ZNF93: variants seen among roughly 807,000 people sequenced by gnomAD.
ZNF93 encodes zinc finger protein 93, also known as zinc finger protein 505.
In ZNF93, 29 loss-of-function variants were observed where a neutral mutation model predicts 45.0. The ratio of observed to expected loss-of-function variants is 0.64; its 90% CI spans 0.48 to 0.88. The LOEUF is 0.88. ZNF93 is among the 40% of genes least tolerant of loss of function. The pLI is 0.00. For synonymous variants in ZNF93, 223 were observed against 244.6 expected, an observed-to-expected ratio of 0.91 and a Z score of 0.82; for missense variants, 578 against 724.0, an observed-to-expected ratio of 0.80 and a Z score of 2.31.
intron 3 of ZNF93, among the ~76,000 whole-genome samples, chr19:19,918,254 T>A (rs2063330839): frequency 1.3e-5 from 2 of 152,314 alleles, no homozygotes; most frequent in Middle Eastern, 3.4e-3. Flanking sequence ...TCCAGCTTCA[T>A]CCATGTCCCT....
At chr19:19,929,653 G>A (rs937343867) in intron 3 of ZNF93, among the ~76,000 whole-genome samples, 31 of 152,132 alleles carry the variant, frequency 2.0e-4, no homozygotes, top group African/African-American at 6.8e-4. Context: ...ATAAGAGATT[G>A]TAGGGCCGGG....
chr19:19,913,648 G>A (rs572790138), intron 1 of ZNF93, among the ~76,000 whole-genome samples: 18 of 152,138 alleles, frequency 1.2e-4, no homozygotes, highest in Middle Eastern at 3.4e-3. Flanking sequence ...CATTGTTCCC[G>A]AATCTCTTCT....
Position 19,935,098 on chromosome 19 carries a change from G to A in ZNF93, c.*280G>A, listed in dbSNP as rs140268249. Reference sequence around the variant, plus strand: ...TTCTGCCTATATAGAAACCCACACAGTTAACCTGAGGAAATGCTCTCTGGT... The same window carrying A: ...TTCTGCCTATATAGAAACCCACACAATTAACCTGAGGAAATGCTCTCTGGT... On this transcript the variant is annotated 3_prime_UTR_variant, in exon 4 of 4. Transcript: ENST00000343769. 5.2e-5 allele frequency: 20 copies of A among 387,102 alleles called. No individual in the cohort carries two copies. Among genetic ancestry groups the A allele is most frequent in the Non-Finnish European group, 8.3e-5 (18 of 217,046 alleles). The allele number at this position is 387,102 out of a possible 1,614,324, so 24.0% of individuals were successfully genotyped here. A position where few individuals can be genotyped will look rare whatever the true frequency, so the allele number is the denominator to read the frequency against.
chr19:19,912,361 C>T (rs899414092), intron 1 of ZNF93, among the ~76,000 whole-genome samples: 7 of 152,108 alleles, frequency 4.6e-5, no homozygotes, highest in African/African-American at 1.7e-4. Context: ...CTGAACCTAC[C>T]CTGGAGTATT....
At chr19:19,922,525 C>T (rs1374687846) in intron 3 of ZNF93, among the ~76,000 whole-genome samples, 8 of 152,190 alleles carry the variant, frequency 5.3e-5, no homozygotes, top group African/African-American at 1.7e-4. Flanking sequence ...TAATATCCTG[C>T]AGAGTGTTTT....
intron 3 of ZNF93, chr19:19,927,247 A>G (rs2122190167): frequency 2.5e-6 from 1 of 398,396 alleles, no homozygotes; most frequent in South Asian, 1.3e-4. Context: ...AAATTTAATA[A>G]TAGCCAGGCA....
At chr19:19,912,047 C>A (rs1177392304) in intron 1 of ZNF93, among the ~76,000 whole-genome samples, 2 of 152,054 alleles carry the variant, frequency 1.3e-5, no homozygotes, top group Non-Finnish European at 2.9e-5. Context: ...CCGCGCTTGG[C>A]CGTATATTTT....
At position 19,933,923 on chromosome 19, in the gene ZNF93, A is replaced by G. The variant is rs1690031806; in HGVS notation, c.968A>G (p.Lys323Arg). The change falls in exon 4 of 4, where the codon AAG becomes AGG. Residue 323 changes from lysine to arginine, a missense_variant. This residue lies in a region of ZNF93 where 446 missense variants were observed against 547.6 expected (regional missense o/e 0.81). Transcript: ENST00000343769. ...YVCEECGKAF[K>R]YSRILTTHKR... ...TGTGAAGAATGTGGCAAAGCCTTTA[A>G]GTACTCCCGTATCCTTACTACACAT... is the stretch of plus-strand genomic sequence containing the variant. 3.1e-6 allele frequency: 5 copies of G among 1,612,168 alleles called. No homozygotes were observed. Among genetic ancestry groups the G allele is most frequent in the Non-Finnish European group, 4.2e-6 (5 of 1,179,524 alleles).
In ZNF93 at chr19:19,913,610, CTT is replaced by C. The variant is rs1301858003; in HGVS notation, c.4-1669_4-1668del. 2.6e-5 allele frequency among the ~76,000 whole-genome samples: 4 copies of C among 152,206 alleles called. No individual in the cohort carries two copies. In the East Asian group the frequency reaches 7.7e-4, roughly 29 times the overall value. ...GCACCTGAGGACAGGAAAGGAGAAA[CTT>C]ATATTTTTATCTTCATGGAGCAGTT... On this transcript the variant is annotated intron_variant, in intron 1 of 3. Coordinates refer to ENST00000343769, the MANE Select transcript of ZNF93 (RefSeq NM_031218.4).
intron 3 of ZNF93, among the ~76,000 whole-genome samples, chr19:19,918,377 GTC>G (rs1444605408): frequency 4.6e-5 from 7 of 152,112 alleles, no homozygotes. Flanking sequence ...TTGGTTCCAA[GTC>G]TCTGCTATTG....
intron 1 of ZNF93, among the ~76,000 whole-genome samples, chr19:19,906,202 C>G (rs567777333): frequency 6.6e-6 from 1 of 152,186 alleles, no homozygotes; most frequent in African/African-American, 2.4e-5. Context: ...TATCTGTTAC[C>G]TTTTGACTTT....
chr19:19,908,912 G>T (rs1459699254), intron 1 of ZNF93: 1 of 151,830 alleles, frequency 6.6e-6, no homozygotes, highest in East Asian at 2.0e-4. Flanking sequence ...AATGCTTTGG[G>T]TGTCTGTTTC....
At chr19:19,931,410 T>C (rs2063374030) in intron 3 of ZNF93, among the ~76,000 whole-genome samples, 1 of 152,102 alleles carries the variant, frequency 6.6e-6, no homozygotes, top group Non-Finnish European at 1.5e-5. Flanking sequence ...AGGCTTGTCT[T>C]GAACTCCTGA....
rs1472390844 is a variant in ZNF93 at position 19,934,524 on chromosome 19, C to T, written c.1569C>T (p.Thr523=). The T allele has an allele frequency of 1.2e-6, 2 of 1,613,140 alleles. No individual in the cohort carries two copies. Among genetic ancestry groups the T allele is most frequent in the Non-Finnish European group, 1.7e-6 (2 of 1,179,982 alleles). Residue 523 remains threonine (T), a synonymous_variant, in exon 4 of 4, where the codon ACC becomes ACT. Transcript: ENST00000343769. ...GCAAAGCTTTTAACCAGTCCTCAACCCTTATTAAACATAAGAAAATTCATA... is the reference window on the plus strand; with the variant it reads ...GCAAAGCTTTTAACCAGTCCTCAACTCTTATTAAACATAAGAAAATTCATA... ...ECGKAFNQSS[T]LIKHKKIHTR... is the part of the protein sequence containing the mutation.
At position 19,915,316 on chromosome 19, in the gene ZNF93, T is replaced by C; in HGVS notation, c.40T>C (p.Ser14Pro). Residue 14 changes from serine (S) to proline (P), a missense_variant, in exon 2 of 4, where the codon TCT (serine) becomes CCT (proline). Coordinates refer to ENST00000343769, the MANE Select transcript of ZNF93 (RefSeq NM_031218.4). ...LQFRDVAIEFSLEEWHCLDTA... is the reference protein window; with the variant it reads ...LQFRDVAIEFPLEEWHCLDTA... Reference sequence around the variant, plus strand: ...ATTTAGAGATGTGGCCATAGAATTCTCTCTGGAGGAGTGGCATTGCCTGGA... The same window carrying C: ...ATTTAGAGATGTGGCCATAGAATTCCCTCTGGAGGAGTGGCATTGCCTGGA... 1.2e-6 allele frequency: 2 copies of C among 1,614,094 alleles called. No individual in the cohort carries two copies. Among genetic ancestry groups the C allele is most frequent in the Non-Finnish European group, 1.7e-6 (2 of 1,179,978 alleles).
chr19:19,917,035 G>A (rs1305008163), intron 3 of ZNF93, among the ~76,000 whole-genome samples: 3 of 151,590 alleles, frequency 2.0e-5, no homozygotes, highest in African/African-American at 4.8e-5. Context: ...TTTTGCATCA[G>A]GTCTAAAATG....
chr19:19,902,880 G>A (rs1276275657), intron 1 of ZNF93, among the ~76,000 whole-genome samples: 1 of 151,820 alleles, frequency 6.6e-6, no homozygotes, highest in Non-Finnish European at 1.5e-5. Context: ...GGGACTACAG[G>A]CACCCACCAC....
chr19:19,910,237 C>T (rs13344370), intron 1 of ZNF93, among the ~76,000 whole-genome samples: 66,417 of 151,958 alleles, frequency 0.44, 19,490 homozygotes, highest in African/African-American at 0.82. Flanking sequence ...AAAAAACTTA[C>T]CTAAGAAATG....
intron 3 of ZNF93, among the ~76,000 whole-genome samples, chr19:19,924,383 A>G (rs1254782495): frequency 2.0e-5 from 3 of 151,672 alleles, no homozygotes; most frequent in Admixed American, 6.6e-5. Flanking sequence ...GAGCCACCGC[A>G]CCCAGCCGGA....
Sources: allele counts gnomAD v4.1 joint callset (sites outside exome capture counted in the v4.1 genomes callset), GRCh38; gene constraint gnomAD v4.1.1; regional missense constraint gnomAD v4.1.1; transcripts MANE v1.5; gene names NCBI Gene and HGNC (gene_info 2026-07-23, HGNC 2026-07-21).